The following LRIG2 variants were observed in gnomAD, a reference collection of about 807,000 sequenced individuals.
The protein encoded by LRIG2 is leucine rich repeats and immunoglobulin like domains 2, also known as leucine-rich repeats and immunoglobulin-like domains protein 2.
A neutral mutation model predicts 107.8 loss-of-function variants in LRIG2; 93 were observed. The ratio of observed to expected loss-of-function variants is 0.86; its 90% confidence interval spans 0.73 to 1.03. The LOEUF (loss-of-function observed/expected upper bound fraction) is 1.03. LRIG2 is among the 50% of genes least tolerant of loss of function. The probability of loss-of-function intolerance (pLI) is 0.00; values close to 1 mark genes in which losing one functional copy is unlikely to be tolerated. For synonymous variants in LRIG2, 471 were observed against 470.6 expected (o/e 1.00, Z -0.01); for missense variants, 1,226 against 1,296.0 (o/e 0.95, Z 0.83).
rs1230664179 is a variant in LRIG2, at chr1:113,129,971, G to A, written c.*5870G>A. 2 of 152,002 alleles carry A rather than the reference G, an allele frequency of 1.3e-5. No individual in the cohort carries two copies. The highest frequency in any genetic ancestry group is 1.9e-4 in the East Asian group (1 of 5,152). The allele number at this position is 152,002 out of a possible 1,614,324, so 9.4% of individuals were successfully genotyped here. A position where few individuals can be genotyped will look rare whatever the true frequency, so the allele number is the denominator to read the frequency against. On this transcript the variant is annotated 3_prime_UTR_variant, in exon 18 of 18. Transcript: ENST00000361127. ...AATGGTGTGAACGTGGCTCACTGTC[G>A]TCACTGCAGCCTTGATATCTCAAGC...
intron 11 of LRIG2, among the ~76,000 whole-genome samples, chr1:113,106,679 A>G (rs1414436233): frequency 1.3e-5 from 2 of 151,822 alleles, no homozygotes; most frequent in African/African-American, 4.8e-5. Flanking sequence ...TAATTTTTGT[A>G]TTTTTAGTAG....
At chr1:113,123,815 G>T in intron 17 of LRIG2, 60 bp from the exon 18 acceptor site, 1 of 1,342,432 alleles carries the variant, frequency 7.4e-7, no homozygotes, top group South Asian at 1.2e-5. Flanking sequence ...TTGAGGATTT[G>T]GCTAAAAGGA....
Position 113,114,649 on chromosome 1 carries a change from T to C in LRIG2, c.2303T>C (p.Met768Thr), listed in dbSNP as rs1249037832. The C allele has an allele frequency of 6.2e-7, 1 of 1,614,192 alleles. No homozygotes were observed. The highest frequency in any genetic ancestry group is 8.5e-7 in the Non-Finnish European group (1 of 1,180,048). ...GATGCTGGGAAATATACCTGCATTA[T>C]GTCTAACACCCTTGGGACAGAACGT... ...LEDAGKYTCI[M>T]SNTLGTERGH... Residue 768 changes from methionine to threonine, a missense_variant, in exon 15 of 18, where the codon ATG becomes ACG. Met to Thr is a moderately conservative substitution (Grantham distance 81). Around this residue, in one of 3 missense-constraint regions of LRIG2, gnomAD observed 642 missense variants for 712.2 expected, o/e 0.90. Transcript: ENST00000361127.
chr1:113,096,444 A>G (rs1654073855), intron 8 of LRIG2, 79 bp downstream of exon 8: 1 of 1,428,802 alleles, frequency 7.0e-7, no homozygotes, highest in East Asian at 2.3e-5. Context: ...AAAACAACTA[A>G]TCAGTCTGCA....
intron 8 of LRIG2, among the ~76,000 whole-genome samples, chr1:113,097,031 G>T (rs944536437): frequency 1.3e-5 from 2 of 151,910 alleles, no homozygotes; most frequent in African/African-American, 4.8e-5. Flanking sequence ...GCTTTTCCTG[G>T]CCATCATTTT....
At chr1:113,086,000 G>GTTTTTTTTTTTTTTTTTTTTTTTTTTTT (rs34131524) in intron 1 of LRIG2, among the ~76,000 whole-genome samples, 3 of 65,002 alleles carry the variant, frequency 4.6e-5, no homozygotes, top group African/African-American at 5.9e-5. Flanking sequence ...TAACCCTGAG[G>GTTTTTTTTTTTTTTTTTTTTTTTTTTTT]TTTTTTTTTT....
At position 113,124,263 on chromosome 1, in the gene LRIG2, C is replaced by T; in HGVS notation, c.*162C>T. 1.6e-6 allele frequency: 1 copy of T among 633,680 alleles called. No homozygotes were observed. 39.3% of individuals were successfully genotyped at this position (633,680 alleles called of 1,614,324 possible). A position where few individuals can be genotyped will look rare whatever the true frequency, so the allele number is the denominator to read the frequency against. ...GGCCATGCGTTGTTTGGTCTTATAC[C>T]TGATGAAGAAATGGCAACAGCTGAC... On this transcript the variant is annotated 3_prime_UTR_variant, in exon 18 of 18. Coordinates refer to ENST00000361127, the MANE Select transcript of LRIG2 (RefSeq NM_014813.3).
chr1:113,122,567 CA>C (rs1402239400), intron 17 of LRIG2, among the ~76,000 whole-genome samples: 1 of 152,136 alleles, frequency 6.6e-6, no homozygotes, highest in Admixed American at 6.5e-5. Flanking sequence ...TAAGAAGGAC[CA>C]GAAATGTAGT....
chr1:113,119,530 G>A lies in LRIG2; in HGVS notation c.2971+7G>A. ...TCCACACAGATGAGCGGTGGTAAGG[G>A]ATGTATTTTTGTTGTTATTTTGTTT... On this transcript the variant is annotated splice_region_variant and intron_variant, in intron 17 of 17. Transcript: ENST00000361127. The A allele has an allele frequency of 6.2e-7, 1 of 1,610,116 alleles. No individual in the cohort carries two copies. The highest frequency in any genetic ancestry group is 8.5e-7 in the Non-Finnish European group (1 of 1,178,070).
intron 17 of LRIG2, among the ~76,000 whole-genome samples, chr1:113,122,554 G>T (rs1655308866): frequency 6.6e-6 from 1 of 152,196 alleles, no homozygotes; most frequent in Non-Finnish European, 1.5e-5. Context: ...TACAAAAAGG[G>T]TTTAAGAAGG....
In LRIG2 at chr1:113,098,700, T is replaced by G; in HGVS notation, c.1092-5T>G. ...AGCACCTGTCTTTCTCTGACATTTTTGTAGAGACTTAAGAAACAATGAAAT... is the reference window on the plus strand; with the variant it reads ...AGCACCTGTCTTTCTCTGACATTTTGGTAGAGACTTAAGAAACAATGAAAT... On this transcript the variant is annotated splice_polypyrimidine_tract_variant and splice_region_variant and intron_variant, in intron 8 of 17. Coordinates refer to ENST00000361127, the MANE Select transcript of LRIG2 (RefSeq NM_014813.3). 1 of 1,598,886 alleles carries G rather than the reference T, an allele frequency of 6.3e-7. No individual in the cohort carries two copies. The highest frequency in any genetic ancestry group is 1.1e-5 in the South Asian group (1 of 90,776).
rs1322589117 is a variant in LRIG2, at chr1:113,125,051, A to G, written c.*950A>G. On this transcript the variant is annotated 3_prime_UTR_variant, in exon 18 of 18. Coordinates refer to ENST00000361127, the MANE Select transcript of LRIG2 (RefSeq NM_014813.3). The stretch of plus-strand genomic sequence containing the variant: ...CATTGTGGCATGCTGCTGTAGTCCT[A>G]GCTACTTGGGAGGCTGAGGTGGGAG... The G allele has an allele frequency of 6.6e-6, 1 of 152,202 alleles. No individual in the cohort carries two copies. The highest frequency in any genetic ancestry group is 2.4e-5 in the African/African-American group (1 of 41,434). 9.4% of individuals were successfully genotyped at this position (152,202 alleles called of 1,614,324 possible). A position where few individuals can be genotyped will look rare whatever the true frequency, so the allele number is the denominator to read the frequency against.
chr1:113,073,933 A>G (rs944991417), intron 1 of LRIG2, among the ~76,000 whole-genome samples: 5 of 134,996 alleles, frequency 3.7e-5, no homozygotes, highest in Admixed American at 8.6e-5. Flanking sequence ...ATTTAATGGT[A>G]AGGACTCACG....
intron 11 of LRIG2, 73 bp downstream of exon 11, chr1:113,100,561 A>G: frequency 1.2e-6 from 1 of 827,996 alleles, no homozygotes; most frequent in Non-Finnish European, 2.0e-6. Context: ...GTGTGATGGG[A>G]GTGACCCAAG....
In LRIG2 at chr1:113,114,694, T is replaced by G; in HGVS notation, c.2348T>G (p.Val783Gly). ...GAACGTGGCCACATTTACCTAAATG[T>G]CATTTCATCCCCCAATTGTGACTCT... ...GTERGHIYLNVISSPNCDSSQ... is the reference protein window; with the variant it reads ...GTERGHIYLNGISSPNCDSSQ... The change falls in exon 15 of 18, where the codon GTC (valine) becomes GGC (glycine). Residue 783 changes from valine (V) to glycine (G), a missense_variant. By Grantham distance (109) the Val-to-Gly change is moderately radical (BLOSUM62 -3). Around this residue, in one of 3 missense-constraint regions of LRIG2, gnomAD observed 642 missense variants for 712.2 expected, o/e 0.90. Coordinates refer to ENST00000361127, the MANE Select transcript of LRIG2 (RefSeq NM_014813.3). 7 of 1,614,172 alleles carry G rather than the reference T, an allele frequency of 4.3e-6. No homozygotes were observed. Among genetic ancestry groups the G allele is most frequent in the Non-Finnish European group, 5.9e-6 (7 of 1,180,040 alleles).
At chr1:113,075,161 G>A (rs922953855) in intron 1 of LRIG2, among the ~76,000 whole-genome samples, 3 of 151,910 alleles carry the variant, frequency 2.0e-5, no homozygotes, top group Admixed American at 6.6e-5. Context: ...GGAGTGAGCC[G>A]AGATCGTGCC....
chr1:113,119,549 T>C (rs1557921635), intron 17 of LRIG2, 26 bp downstream of exon 17: 1 of 1,604,920 alleles, frequency 6.2e-7, no homozygotes, highest in Non-Finnish European at 8.5e-7. Context: ...TTGTTGTTAT[T>C]TTGTTTTTAC....
Position 113,114,888 on chromosome 1 carries a change from C to T in LRIG2, c.2530+12C>T, listed in dbSNP as rs371436473. 2.3e-5 allele frequency: 36 copies of T among 1,574,102 alleles called. No individual in the cohort carries two copies. The African/African-American group carries it at 3.8e-4, about 16-fold the overall frequency. On this transcript the variant is annotated intron_variant, in intron 15 of 17. Coordinates refer to ENST00000361127, the MANE Select transcript of LRIG2 (RefSeq NM_014813.3). ...TATCACAAACACAGGTAAGTAGTACCCACATGACACCTATGGCTTGTACTT... is the reference window on the plus strand; with the variant it reads ...TATCACAAACACAGGTAAGTAGTACTCACATGACACCTATGGCTTGTACTT...
chr1:113,093,462 A>G lies in LRIG2; in HGVS notation c.413A>G (p.Gln138Arg), dbSNP rs370875164. 12 of 1,613,674 alleles carry G rather than the reference A, an allele frequency of 7.4e-6. No homozygotes were observed. The highest frequency in any genetic ancestry group is 1.0e-5 in the Non-Finnish European group (12 of 1,179,736). The change falls in exon 4 of 18, where the codon CAG becomes CGG. Residue 138 changes from glutamine (Q) to arginine (R), a missense_variant. Coordinates refer to ENST00000361127, the MANE Select transcript of LRIG2 (RefSeq NM_014813.3). Reference sequence around the variant, plus strand: ...AATATAATCCCAGAAATAAATGCACAGGCACTCCAGTTTTACCCTGCTCTG... The same window carrying G: ...AATATAATCCCAGAAATAAATGCACGGGCACTCCAGTTTTACCCTGCTCTG... ...VHNIIPEINA[Q>R]ALQFYPALES...
Sources: allele counts gnomAD v4.1 joint callset (sites outside exome capture counted in the v4.1 genomes callset), GRCh38; gene constraint gnomAD v4.1.1; regional missense constraint gnomAD v4.1.1; transcripts MANE v1.5; gene names NCBI Gene and HGNC (gene_info 2026-07-23, HGNC 2026-07-21).